Variants in MGAT5 observed in about 807,000 individuals in gnomAD.
MGAT5 encodes alpha-1,6-mannosylglycoprotein 6-beta-N-acetylglucosaminyltransferase A.
Under a neutral mutation model 94.3 loss-of-function variants are expected in MGAT5, and 30 were observed. The ratio of observed to expected loss-of-function variants is 0.32; its 90% CI spans 0.24 to 0.43. The LOEUF (loss-of-function observed/expected upper bound fraction) is 0.43, where lower values mean the gene tolerates loss of function less well. Ranked by LOEUF, MGAT5 falls within the 20% of genes least tolerant of loss-of-function variation. The pLI, the probability that MGAT5 is intolerant of heterozygous loss-of-function variation, is 1.00. For synonymous variants in MGAT5, 310 were observed against 322.9 expected, an observed-to-expected ratio of 0.96 and a Z score of 0.43; for missense variants, 691 against 905.5, an observed-to-expected ratio of 0.76 and a Z score of 3.04.
chr2:134,134,150 A>G (rs979659043), intron 1 of MGAT5, among the ~76,000 whole-genome samples: 2 of 152,202 alleles, frequency 1.3e-5, no homozygotes, highest in Admixed American at 6.5e-5. Context: ...ATTTCAGTCC[A>G]GAACCTGGCA....
intron 1 of MGAT5, among the ~76,000 whole-genome samples, chr2:134,244,637 C>T (rs1268041565): frequency 6.6e-6 from 1 of 152,172 alleles, no homozygotes; most frequent in African/African-American, 2.4e-5. Context: ...GATGGACTCC[C>T]AGGTTCACCT....
chr2:134,391,355 CAGTT>C (rs1207048585), intron 10 of MGAT5, among the ~76,000 whole-genome samples: 1 of 152,166 alleles, frequency 6.6e-6, no homozygotes, highest in African/African-American at 2.4e-5. Flanking sequence ...CTGGAAACTA[CAGTT>C]AGTTAGCCTT....
chr2:134,325,698 A>G (rs1223734409), intron 4 of MGAT5, among the ~76,000 whole-genome samples: 1 of 152,118 alleles, frequency 6.6e-6, no homozygotes, highest in Non-Finnish European at 1.5e-5. Flanking sequence ...ATTAAAGTTT[A>G]TTTATTTGAA....
chr2:134,185,594 T>A (rs1688968023), intron 1 of MGAT5, among the ~76,000 whole-genome samples: 1 of 152,240 alleles, frequency 6.6e-6, no homozygotes. Flanking sequence ...GTAATTTTGA[T>A]ATAAGTGCTT....
At chr2:134,419,590 C>G (rs1684185517) in intron 12 of MGAT5, among the ~76,000 whole-genome samples, 1 of 151,784 alleles carries the variant, frequency 6.6e-6, no homozygotes, top group Non-Finnish European at 1.5e-5. Flanking sequence ...AAACTATACT[C>G]CAGTAAATTT....
At chr2:134,413,718 G>T (rs954358281) in intron 12 of MGAT5, among the ~76,000 whole-genome samples, 1 of 152,190 alleles carries the variant, frequency 6.6e-6, no homozygotes, top group African/African-American at 2.4e-5. Flanking sequence ...TTGATTTTCT[G>T]ATTATTTCTA....
chr2:134,273,560 A>G (rs1684165063), intron 2 of MGAT5, among the ~76,000 whole-genome samples: 1 of 151,924 alleles, frequency 6.6e-6, no homozygotes, highest in South Asian at 2.1e-4. Flanking sequence ...ACTGTCTCTA[A>G]ATTGGGTACC....
chr2:134,329,980 C>T (rs2105948090), intron 4 of MGAT5, among the ~76,000 whole-genome samples: 1 of 152,206 alleles, frequency 6.6e-6, no homozygotes, highest in East Asian at 1.9e-4. Flanking sequence ...GAGAGAAGTG[C>T]AGGGGGCTTA....
At chr2:134,189,647 G>GCT (rs376600602) in intron 1 of MGAT5, among the ~76,000 whole-genome samples, 3 of 127,612 alleles carry the variant, frequency 2.4e-5, no homozygotes, top group African/African-American at 8.8e-5. Context: ...CTGTTGCCAG[G>GCT]CTGAAGTGCA....
intron 10 of MGAT5, among the ~76,000 whole-genome samples, chr2:134,363,511 G>A (rs576372123): frequency 3.3e-5 from 5 of 152,300 alleles, no homozygotes; most frequent in South Asian, 2.1e-4. Context: ...AACTGCAGAC[G>A]ATTTTATTTA....
Position 134,294,206 on chromosome 2 carries a change from T to C in MGAT5, c.407-23323T>C, listed in dbSNP as rs117829752. ...CATCATCAGGTAAATAAGGCATCCATTGTTCTCTGCGGTTTAGCCCCATAG... is the reference window on the plus strand; with the variant it reads ...CATCATCAGGTAAATAAGGCATCCACTGTTCTCTGCGGTTTAGCCCCATAG... On this transcript the variant is annotated intron_variant, in intron 2 of 15. Transcript: ENST00000281923. Among the ~76,000 whole-genome samples, 101 of 152,300 alleles carry C rather than the reference T, an allele frequency of 6.6e-4. 2 individuals are homozygous for C. In the East Asian group the frequency reaches 0.017, roughly 26 times the overall value.
At chr2:134,216,384 G>C (rs190811626) in intron 1 of MGAT5, among the ~76,000 whole-genome samples, 1 of 152,154 alleles carries the variant, frequency 6.6e-6, no homozygotes, top group Non-Finnish European at 1.5e-5. Context: ...GTTGTGATCC[G>C]ATATACTTCC....
At chr2:134,308,948 A>G (rs1296184971) in intron 2 of MGAT5, among the ~76,000 whole-genome samples, 1 of 152,222 alleles carries the variant, frequency 6.6e-6, no homozygotes, top group Non-Finnish European at 1.5e-5. Context: ...CAGTGTTAGA[A>G]TATTTTCATC....
intron 1 of MGAT5, among the ~76,000 whole-genome samples, chr2:134,245,233 C>G (rs1013583264): frequency 6.6e-6 from 1 of 152,156 alleles, no homozygotes; most frequent in African/African-American, 2.4e-5. Flanking sequence ...AGGATGGTCT[C>G]GACCTCCCAA....
intron 10 of MGAT5, among the ~76,000 whole-genome samples, chr2:134,398,757 G>C (rs1257346855): frequency 6.6e-6 from 1 of 152,124 alleles, no homozygotes; most frequent in Non-Finnish European, 1.5e-5. Flanking sequence ...AAAAATGGCA[G>C]TCTGTAGTTT....
intron 1 of MGAT5, among the ~76,000 whole-genome samples, chr2:134,215,600 A>C (rs1357067167): frequency 6.6e-6 from 1 of 152,192 alleles, no homozygotes; most frequent in Non-Finnish European, 1.5e-5. Flanking sequence ...CACTCTCTTG[A>C]TACTGCATTA....
chr2:134,453,571 T>C lies in MGAT5; in HGVS notation c.*4724T>C, dbSNP rs1171555611. ...GCGTTAAGGGAGAAGGAATGACCAA[T>C]TGAACTTACACATTCCCCAGGCAGG... On this transcript the variant is annotated 3_prime_UTR_variant, in exon 16 of 16. Coordinates refer to ENST00000281923, the MANE Select transcript of MGAT5 (RefSeq NM_002410.5). 1.3e-5 allele frequency: 2 copies of C among 152,258 alleles called. No homozygotes were observed. Among genetic ancestry groups the C allele is most frequent in the Non-Finnish European group, 2.9e-5 (2 of 68,044 alleles). The allele number at this position is 152,258 out of a possible 1,614,324, so 9.4% of individuals were successfully genotyped here. A position where few individuals can be genotyped will look rare whatever the true frequency, so the allele number is the denominator to read the frequency against.
At chr2:134,361,438 T>C (rs1680093916) in intron 9 of MGAT5, among the ~76,000 whole-genome samples, 1 of 152,360 alleles carries the variant, frequency 6.6e-6, no homozygotes, top group East Asian at 1.9e-4. Context: ...CTCTGTTTAA[T>C]CTAGAGAGAA....
In MGAT5 at chr2:134,402,999, C is replaced by G; in HGVS notation, c.1392C>G (p.Ile464Met). Reference sequence around the variant, plus strand: ...GTTTTCTTCTTTAGAATAAGAAGATCTACTTGGACATTATTCACACATACA... The same window carrying G: ...GTTTTCTTCTTTAGAATAAGAAGATGTACTTGGACATTATTCACACATACA... ...KVDSFWKNKKIYLDIIHTYME... is the reference protein window; with the variant it reads ...KVDSFWKNKKMYLDIIHTYME... The change falls in exon 11 of 16, where the codon ATC becomes ATG. Residue 464 changes from isoleucine (I) to methionine (M), a missense_variant. Transcript: ENST00000281923. The G allele has an allele frequency of 6.3e-7, 1 of 1,589,926 alleles. No individual in the cohort carries two copies. Among genetic ancestry groups the G allele is most frequent in the Non-Finnish European group, 8.5e-7 (1 of 1,172,568 alleles).
Sources: allele counts gnomAD v4.1 joint callset (sites outside exome capture counted in the v4.1 genomes callset), GRCh38; gene constraint gnomAD v4.1.1; transcripts MANE v1.5; gene names NCBI Gene and HGNC (gene_info 2026-07-23, HGNC 2026-07-21).